Variants in PDSS2 observed in about 807,000 individuals in gnomAD.
The protein encoded by PDSS2 is all trans-polyprenyl-diphosphate synthase PDSS2.
Under a neutral mutation model 44.5 loss-of-function variants are expected in PDSS2, and 31 were observed. The ratio of observed to expected loss-of-function variants is 0.70; its 90% confidence interval spans 0.52 to 0.94. The LOEUF is 0.94. PDSS2 is among the 40% of genes least tolerant of loss of function. The pLI, the probability that PDSS2 is intolerant of heterozygous loss-of-function variation, is 0.00. For synonymous variants in PDSS2, 157 were observed against 180.3 expected, an observed-to-expected ratio of 0.87 and a Z score of 1.03; for missense variants, 452 against 482.2, an observed-to-expected ratio of 0.94 and a Z score of 0.59.
At chr6:107,398,419 G>A (rs898661851) in intron 1 of PDSS2, among the ~76,000 whole-genome samples, 4 of 152,086 alleles carry the variant, frequency 2.6e-5, no homozygotes. Context: ...TGTTTTAAAA[G>A]TAATAAATAT....
intron 2 of PDSS2, among the ~76,000 whole-genome samples, chr6:107,282,709 A>AG (rs1196394422): frequency 6.6e-6 from 1 of 151,706 alleles, no homozygotes; most frequent in African/African-American, 2.4e-5. Context: ...ACTAAAAAAA[A>AG]ATACAAAACA....
intron 7 of PDSS2, among the ~76,000 whole-genome samples, chr6:107,156,832 G>A (rs925957568): frequency 6.6e-6 from 1 of 152,178 alleles, no homozygotes; most frequent in Non-Finnish European, 1.5e-5. Context: ...GAAATTATCT[G>A]TAGCCATTTT....
intron 7 of PDSS2, among the ~76,000 whole-genome samples, chr6:107,170,558 G>A (rs1201437259): frequency 2.0e-5 from 3 of 151,250 alleles, no homozygotes; most frequent in East Asian, 1.9e-4. Context: ...CATTGCTCAC[G>A]CTGGGAGCTG....
chr6:107,304,148 T>C (rs972027825), intron 2 of PDSS2, among the ~76,000 whole-genome samples: 1 of 152,164 alleles, frequency 6.6e-6, no homozygotes, highest in African/African-American at 2.4e-5. Flanking sequence ...ACTGAGATTA[T>C]ACAGTGGGTA....
chr6:107,433,727 A>T (rs1360703323), intron 1 of PDSS2, among the ~76,000 whole-genome samples: 1 of 152,274 alleles, frequency 6.6e-6, no homozygotes, highest in Admixed American at 6.5e-5. Flanking sequence ...TACTTGAATA[A>T]TGTCCCAAAA....
intron 2 of PDSS2, among the ~76,000 whole-genome samples, chr6:107,275,142 T>C (rs1775735163): frequency 1.3e-5 from 2 of 152,206 alleles, no homozygotes; most frequent in Admixed American, 1.3e-4. Flanking sequence ...TATAGAACTA[T>C]ATTTATTACA....
intron 1 of PDSS2, among the ~76,000 whole-genome samples, chr6:107,455,343 C>A (rs1782003185): frequency 6.6e-6 from 1 of 151,408 alleles, no homozygotes; most frequent in African/African-American, 2.4e-5. Flanking sequence ...TAGCTTCACC[C>A]TTTTCACTTC....
intron 7 of PDSS2, among the ~76,000 whole-genome samples, chr6:107,169,241 T>C (rs1357461699): frequency 2.0e-5 from 3 of 152,142 alleles, no homozygotes; most frequent in African/African-American, 7.2e-5. Flanking sequence ...CTTCAATCAC[T>C]TGATACCCTT....
At chr6:107,433,534 A>G (rs1781257875) in intron 1 of PDSS2, among the ~76,000 whole-genome samples, 1 of 152,252 alleles carries the variant, frequency 6.6e-6, no homozygotes, top group African/African-American at 2.4e-5. Context: ...CAGTCTCTTC[A>G]ATAAGTAGTG....
intron 1 of PDSS2, among the ~76,000 whole-genome samples, chr6:107,348,068 C>A (rs897113205): frequency 1.3e-5 from 2 of 152,096 alleles, no homozygotes; most frequent in African/African-American, 4.8e-5. Flanking sequence ...GTCATCGATC[C>A]CCTCCTACAC....
intron 2 of PDSS2, among the ~76,000 whole-genome samples, chr6:107,277,751 G>A (rs751745049): frequency 1.3e-5 from 2 of 152,044 alleles, no homozygotes; most frequent in Non-Finnish European, 2.9e-5. Flanking sequence ...TAAGGAGTTC[G>A]AAACCAACCT....
chr6:107,459,464 C>T lies in PDSS2; in HGVS notation c.-179G>A, dbSNP rs1350019404. 3.3e-6 allele frequency: 2 copies of T among 614,542 alleles called. No individual in the cohort carries two copies. The highest frequency in any genetic ancestry group is 5.8e-6 in the Non-Finnish European group (2 of 347,390). The allele number at this position is 614,542 out of a possible 1,614,324, so 38.1% of individuals were successfully genotyped here. On this transcript the variant is annotated 5_prime_UTR_variant, in exon 1 of 8. Coordinates refer to ENST00000369037, the MANE Select transcript of PDSS2 (RefSeq NM_020381.4). The surrounding 1 kb of genome is among the most constrained non-coding windows in gnomAD (Gnocchi z 4.3). Reference sequence around the variant, plus strand: ...AACTTTAACTGCTGCTTTCTGCAGCCCAGGCTGGGCAAACAACAGTCCCAG... The same window carrying T: ...AACTTTAACTGCTGCTTTCTGCAGCTCAGGCTGGGCAAACAACAGTCCCAG...
intron 2 of PDSS2, among the ~76,000 whole-genome samples, chr6:107,332,106 CT>C (rs11284721): frequency 0.9 from 122,116 of 135,988 alleles, 54,799 homozygotes; most frequent in East Asian, 0.99. Flanking sequence ...ATAAGGTAAA[CT>C]TTTTTTTTTT....
chr6:107,224,056 T>G lies in PDSS2; in HGVS notation c.703-11774A>C, dbSNP rs1026502974. On this transcript the variant is annotated intron_variant, in intron 4 of 7. Transcript: ENST00000369037. ...GGGATCTAGGTTGCCTGCTCCATAA[T>G]GCCTGATGATACGAAGTGGAACAGT... Among the ~76,000 whole-genome samples, 37 of 151,302 alleles carry G rather than the reference T, an allele frequency of 2.4e-4. 2 individuals carry two copies. The highest frequency in any genetic ancestry group is 8.9e-4 in the African/African-American group (36 of 40,610).
intron 1 of PDSS2, among the ~76,000 whole-genome samples, chr6:107,347,256 CTTTTT>C (rs35184119): frequency 8.9e-5 from 8 of 89,998 alleles, no homozygotes; most frequent in South Asian, 4.8e-4. Context: ...ATTATATCTT[CTTTTT>C]TTTTTTTTTT....
At chr6:107,262,585 A>C (rs1191828763) in intron 3 of PDSS2, among the ~76,000 whole-genome samples, 1 of 152,086 alleles carries the variant, frequency 6.6e-6, no homozygotes, top group Non-Finnish European at 1.5e-5. Flanking sequence ...ATCCTGGCTA[A>C]CACGGTGAAA....
intron 1 of PDSS2, among the ~76,000 whole-genome samples, chr6:107,414,897 C>T (rs1780611571): frequency 6.6e-6 from 1 of 152,026 alleles, no homozygotes; most frequent in Admixed American, 6.6e-5. Context: ...GGAGAATGTC[C>T]CATTGGAAAT....
intron 3 of PDSS2, among the ~76,000 whole-genome samples, chr6:107,261,522 C>T (rs1775221795): frequency 6.6e-6 from 1 of 152,058 alleles, no homozygotes; most frequent in African/African-American, 2.4e-5. Flanking sequence ...GAACCATAAG[C>T]CAATTAAACC....
intron 1 of PDSS2, among the ~76,000 whole-genome samples, chr6:107,372,575 C>T (rs1286856795): frequency 6.6e-6 from 1 of 152,156 alleles, no homozygotes; most frequent in Non-Finnish European, 1.5e-5. Flanking sequence ...CCTCAGCCTC[C>T]CGAGTAGCTG....
Sources: gnomAD v4.1 joint callset for allele counts (sites outside exome capture counted in the v4.1 genomes callset) on GRCh38, gnomAD v4.1.1 for gene constraint, Gnocchi (gnomAD v3.1) non-coding constraint, MANE v1.5 for transcripts, NCBI Gene and HGNC (gene_info 2026-07-23, HGNC 2026-07-21) for gene names.